MATN2: variants seen among roughly 807,000 people sequenced by gnomAD.
The protein encoded by MATN2 is matrilin 2.
A neutral mutation model predicts 103.2 loss-of-function variants in MATN2; 69 were observed. That is an observed-to-expected ratio of 0.67 (90% CI 0.55 to 0.82). The LOEUF is 0.82. Ranked by LOEUF, MATN2 falls within the 40% of genes least tolerant of loss-of-function variation. MATN2 has a pLI of 0.00. For missense variants in MATN2, 1,023 were observed against 1,211.5 expected (o/e 0.84, Z 2.31); for synonymous variants, 429 against 450.2 (o/e 0.95, Z 0.60).
intron 2 of MATN2, among the ~76,000 whole-genome samples, chr8:97,901,963 C>T (rs1818996343): frequency 6.6e-6 from 1 of 152,062 alleles, no homozygotes; most frequent in African/African-American, 2.4e-5. Flanking sequence ...TCTACATTTT[C>T]AAATCTGTTG....
chr8:97,884,920 G>A (rs568281294), intron 1 of MATN2, among the ~76,000 whole-genome samples: 12 of 152,204 alleles, frequency 7.9e-5, no homozygotes, highest in Non-Finnish European at 1.5e-4. Flanking sequence ...TGTTATCTCC[G>A]TTTTAAAGAT....
chr8:97,914,549 T>A (rs78494279), intron 2 of MATN2, among the ~76,000 whole-genome samples: 3 of 151,092 alleles, frequency 2.0e-5, no homozygotes, highest in Admixed American at 6.6e-5. Context: ...TTTTTTTTTT[T>A]AATCTATTGT....
intron 2 of MATN2, among the ~76,000 whole-genome samples, chr8:97,928,642 A>G (rs1010918089): frequency 1.3e-4 from 20 of 152,064 alleles, no homozygotes; most frequent in Non-Finnish European, 4.4e-5. Flanking sequence ...AGCACCAACC[A>G]CATAGCCATA....
intron 10 of MATN2, among the ~76,000 whole-genome samples, chr8:98,015,381 AC>A (rs1437588088): frequency 1.3e-5 from 2 of 150,930 alleles, no homozygotes; most frequent in Admixed American, 1.3e-4. Context: ...TTCAGATCTG[AC>A]CCCCACTGTG....
chr8:98,009,408 G>T (rs979135425), intron 10 of MATN2, among the ~76,000 whole-genome samples: 3 of 152,148 alleles, frequency 2.0e-5, no homozygotes, highest in Non-Finnish European at 2.9e-5. Context: ...AAAGCCTTTT[G>T]GGGGGCAGTC....
intron 1 of MATN2, among the ~76,000 whole-genome samples, chr8:97,873,182 T>G (rs1817956677): frequency 6.6e-6 from 1 of 152,192 alleles, no homozygotes; most frequent in African/African-American, 2.4e-5. Flanking sequence ...GCCAGAAATA[T>G]TAGAGTATTA....
At chr8:97,992,784 G>C (rs917370225) in intron 6 of MATN2, among the ~76,000 whole-genome samples, 1 of 143,036 alleles carries the variant, frequency 7.0e-6, no homozygotes, top group African/African-American at 2.7e-5. Flanking sequence ...CTCAGGCATG[G>C]TGGCATGCAC....
intron 4 of MATN2, among the ~76,000 whole-genome samples, chr8:97,953,682 A>G (rs1339391853): frequency 1.3e-5 from 2 of 151,834 alleles, no homozygotes; most frequent in Admixed American, 6.6e-5. Context: ...GCTACTCAGC[A>G]TGAGTACTGA....
intron 12 of MATN2, among the ~76,000 whole-genome samples, chr8:98,019,363 CCAAGTCTGAAG>C (rs1813497210): frequency 6.6e-6 from 1 of 152,062 alleles, no homozygotes. Context: ...ATGCTGCAGC[CCAAGTCTGAAG>C]GCAGTCTGGA....
chr8:97,876,610 C>T (rs534811046), intron 1 of MATN2, among the ~76,000 whole-genome samples: 1 of 152,280 alleles, frequency 6.6e-6, no homozygotes, highest in South Asian at 2.1e-4. Flanking sequence ...AGGCTTAAGC[C>T]ACTGCGCCTG....
chr8:98,015,382 C>T (rs1813323784), intron 10 of MATN2, among the ~76,000 whole-genome samples: 1 of 152,164 alleles, frequency 6.6e-6, no homozygotes, highest in African/African-American at 2.4e-5. Flanking sequence ...TCAGATCTGA[C>T]CCCCACTGTG....
Position 98,033,516 on chromosome 8 carries a change from G to A in MATN2, c.2717-45G>A, listed in dbSNP as rs757634497. ...ATTCCTATTATTATGCGTCTGGGAA[G>A]TCTGGTGGATTCTAGAGGTGAACAC... On this transcript the variant is annotated intron_variant, in intron 17 of 18. Transcript: ENST00000254898. 4.9e-6 allele frequency: 5 copies of A among 1,017,558 alleles called. No individual in the cohort carries two copies. The African/African-American group carries it at 8.1e-5, about 16-fold the overall frequency. The allele number at this position is 1,017,558 out of a possible 1,614,324, so 63.0% of individuals were successfully genotyped here.
intron 2 of MATN2, among the ~76,000 whole-genome samples, chr8:97,914,121 C>CA (rs1204067104): frequency 1.3e-5 from 2 of 152,068 alleles, no homozygotes; most frequent in African/African-American, 4.8e-5. Context: ...TCTCTGGTGC[C>CA]TTCTCTATTA....
Position 98,019,522 on chromosome 8 carries a change from T to C in MATN2, c.1819+1406T>C, listed in dbSNP as rs562349237. Among the ~76,000 whole-genome samples, 8 of 152,326 alleles carry C rather than the reference T, an allele frequency of 5.3e-5. No homozygotes were observed. In the South Asian group the frequency reaches 1.4e-3, roughly 28 times the overall value. The stretch of plus-strand genomic sequence containing the variant: ...GTCTACTGATTAAATGTTAATTGCA[T>C]CTAAAAATTAGCTCACAGCATCATT... On this transcript the variant is annotated intron_variant, in intron 12 of 18. Transcript: ENST00000254898.
chr8:98,011,331 G>A (rs1813152668), intron 10 of MATN2, among the ~76,000 whole-genome samples: 1 of 150,430 alleles, frequency 6.6e-6, no homozygotes, highest in Non-Finnish European at 1.5e-5. Flanking sequence ...TCTGTAGCAG[G>A]GAGTAGGGGG....
chr8:98,024,929 T>C (rs957118609), intron 13 of MATN2: 1 of 152,224 alleles, frequency 6.6e-6, no homozygotes, highest in Non-Finnish European at 1.5e-5. Context: ...GCTTTTCCAC[T>C]CTACTTTGTT....
chr8:97,957,695 C>T (rs898004338), intron 4 of MATN2, among the ~76,000 whole-genome samples: 8 of 152,136 alleles, frequency 5.3e-5, no homozygotes, highest in Non-Finnish European at 1.0e-4. Context: ...AAAGCTGAAC[C>T]GTAGGGTCTC....
chr8:97,874,150 T>C (rs898467699), intron 1 of MATN2, among the ~76,000 whole-genome samples: 3 of 152,202 alleles, frequency 2.0e-5, no homozygotes, highest in Non-Finnish European at 4.4e-5. Flanking sequence ...TGTAACAAGT[T>C]AGCACAAACT....
chr8:97,875,010 CT>C (rs1456946984), intron 1 of MATN2, among the ~76,000 whole-genome samples: 2 of 152,216 alleles, frequency 1.3e-5, no homozygotes, highest in Non-Finnish European at 2.9e-5. Flanking sequence ...GCCACCGCCC[CT>C]GGCCCCTCTT....
Sources: allele counts gnomAD v4.1 joint callset (sites outside exome capture counted in the v4.1 genomes callset), GRCh38; gene constraint gnomAD v4.1.1; transcripts MANE v1.5; gene names NCBI Gene and HGNC (gene_info 2026-07-23, HGNC 2026-07-21).